PCSK5: variants seen among roughly 807,000 people sequenced by gnomAD.
PCSK5 encodes prohormone convertase 5.
A neutral mutation model predicts 233.2 loss-of-function variants in PCSK5; 129 were observed. The observed-to-expected ratio is 0.55, with a 90% confidence interval of 0.48 to 0.64. The LOEUF is 0.64. PCSK5 is among the 30% of genes least tolerant of loss of function. The pLI is 0.00. For synonymous variants in PCSK5, 825 were observed against 879.2 expected, an observed-to-expected ratio of 0.94 and a Z score of 1.09; for missense variants, 2,076 against 2,430.1, an observed-to-expected ratio of 0.85 and a Z score of 3.06.
intron 24 of PCSK5, among the ~76,000 whole-genome samples, chr9:76,280,404 CA>C (rs1369637006): frequency 4.6e-5 from 7 of 152,156 alleles, no homozygotes; most frequent in African/African-American, 7.2e-5. Context: ...CACTTTAAAT[CA>C]AAAGCTTAAA....
intron 35 of PCSK5, among the ~76,000 whole-genome samples, chr9:76,339,569 G>T (rs1488553648): frequency 6.6e-6 from 1 of 151,966 alleles, no homozygotes; most frequent in Non-Finnish European, 1.5e-5. Context: ...TTTTGAGATG[G>T]AGTCTCACTC....
chr9:76,096,601 CTT>C (rs756676487), intron 8 of PCSK5, among the ~76,000 whole-genome samples: 7 of 141,018 alleles, frequency 5.0e-5, no homozygotes, highest in Admixed American at 7.1e-5. Context: ...AGGTGCGTTT[CTT>C]TTTTTTTTTT....
intron 1 of PCSK5, among the ~76,000 whole-genome samples, chr9:75,924,862 A>C (rs1823411200): frequency 6.6e-6 from 1 of 152,156 alleles, no homozygotes. Context: ...TAGGCTGCCC[A>C]CCATCAACCT....
intron 37 of PCSK5, among the ~76,000 whole-genome samples, chr9:76,355,243 A>T (rs1043727603): frequency 6.6e-6 from 1 of 152,146 alleles, no homozygotes; most frequent in Non-Finnish European, 1.5e-5. Flanking sequence ...GGAGCCAAGG[A>T]GGGCGGATCA....
At chr9:76,076,097 A>G (rs1194931445) in intron 7 of PCSK5, among the ~76,000 whole-genome samples, 3 of 152,244 alleles carry the variant, frequency 2.0e-5, no homozygotes, top group Non-Finnish European at 4.4e-5. Context: ...TTGAACAGAG[A>G]CATAAATGAT....
chr9:76,230,282 G>A (rs1826036078), intron 21 of PCSK5, among the ~76,000 whole-genome samples: 1 of 152,078 alleles, frequency 6.6e-6, no homozygotes, highest in Admixed American at 6.6e-5. Context: ...AAAAACTGGA[G>A]ATCTCACCTA....
intron 10 of PCSK5, among the ~76,000 whole-genome samples, chr9:76,148,576 A>G (rs1414391606): frequency 1.3e-5 from 2 of 152,156 alleles, no homozygotes; most frequent in East Asian, 1.9e-4. Flanking sequence ...AACAGAAGCC[A>G]TCAGTCATCT....
chr9:76,135,391 T>C, intron 10 of PCSK5, among the ~76,000 whole-genome samples: 1 of 152,120 alleles, frequency 6.6e-6, no homozygotes, highest in Non-Finnish European at 1.5e-5. Flanking sequence ...TTGATTAATA[T>C]CTTCACAGAA....
intron 27 of PCSK5, among the ~76,000 whole-genome samples, chr9:76,298,016 G>A (rs72743106): frequency 6.6e-6 from 1 of 152,112 alleles, no homozygotes; most frequent in South Asian, 2.1e-4. Context: ...TCTTCTGTGA[G>A]TTATAGCTGA....
At chr9:75,920,791 G>A (rs1823223221) in intron 1 of PCSK5, among the ~76,000 whole-genome samples, 1 of 151,908 alleles carries the variant, frequency 6.6e-6, no homozygotes, top group Non-Finnish European at 1.5e-5. Context: ...GGGTGACAGA[G>A]TAAGACTCTG....
At chr9:76,071,574 A>G (rs1830481620) in intron 6 of PCSK5, 152 bp from the exon 7 acceptor site, 8 of 651,316 alleles carry the variant, frequency 1.2e-5, no homozygotes, top group Non-Finnish European at 2.1e-5. Context: ...TACTGCCTGC[A>G]AAGTATACAT....
At chr9:76,002,306 T>C (rs1003518360) in intron 3 of PCSK5, among the ~76,000 whole-genome samples, 1 of 152,228 alleles carries the variant, frequency 6.6e-6, no homozygotes, top group African/African-American at 2.4e-5. Context: ...TTAGGATCTT[T>C]AGTTTGATTA....
intron 3 of PCSK5, among the ~76,000 whole-genome samples, chr9:75,988,316 C>T (rs1045427260): frequency 1.1e-4 from 16 of 150,142 alleles, no homozygotes; most frequent in African/African-American, 2.0e-4. Context: ...GACAGAGTCT[C>T]GCTCTGTCAG....
intron 3 of PCSK5, among the ~76,000 whole-genome samples, chr9:76,021,288 T>C (rs1254074848): frequency 6.6e-6 from 1 of 152,026 alleles, no homozygotes. Flanking sequence ...CACAATTCAC[T>C]GGGTCGTTGT....
chr9:76,101,324 C>T (rs116190895), intron 8 of PCSK5, among the ~76,000 whole-genome samples: 1 of 152,078 alleles, frequency 6.6e-6, no homozygotes, highest in Non-Finnish European at 1.5e-5. Flanking sequence ...CTTCTTCTGT[C>T]GGTAGGTTGG....
intron 8 of PCSK5, among the ~76,000 whole-genome samples, chr9:76,104,445 G>A (rs999698096): frequency 6.6e-6 from 1 of 152,136 alleles, no homozygotes; most frequent in African/African-American, 2.4e-5. Context: ...TAACACAGTG[G>A]GGATTTGGAA....
At chr9:76,116,276 CAAAAAG>C (rs1454611630) in intron 9 of PCSK5, among the ~76,000 whole-genome samples, 1 of 151,978 alleles carries the variant, frequency 6.6e-6, no homozygotes, top group Non-Finnish European at 1.5e-5. Flanking sequence ...ACATGTAACA[CAAAAAG>C]AAAGACATTG....
At chr9:76,054,101 C>A (rs1267551873) in intron 5 of PCSK5, among the ~76,000 whole-genome samples, 1 of 152,114 alleles carries the variant, frequency 6.6e-6, no homozygotes, top group Non-Finnish European at 1.5e-5. Flanking sequence ...ATAAAACCAT[C>A]AGCTCTCATA....
In PCSK5 at chr9:76,332,522, T is replaced by A. The variant is rs561564221; in HGVS notation, c.4660T>A (p.Cys1554Ser). 1.2e-6 allele frequency: 2 copies of A among 1,612,716 alleles called. No individual in the cohort carries two copies. The highest frequency in any genetic ancestry group is 2.7e-5 in the African/African-American group (2 of 75,064). ...CCACTGCCACAGCTCTTGCAGGACA[T>A]GTGAAGGGAGACACAGCAGGCAGTG... is the stretch of plus-strand genomic sequence containing the variant. Reference protein sequence around the residue: ...CAHCHSSCRTCEGRHSRQCHS... With the variant: ...CAHCHSSCRTSEGRHSRQCHS... Residue 1554 changes from cysteine to serine, a missense_variant, in exon 34 of 38, where the codon TGT becomes AGT. Physicochemically the swap from Cys to Ser is moderately radical, Grantham distance 112. This residue lies in a region of PCSK5 where 1,510 missense variants were observed against 1,538.1 expected (regional missense o/e 0.98). Coordinates refer to ENST00000674117, the MANE Select transcript of PCSK5 (RefSeq NM_001372043.1).
Sources: allele counts gnomAD v4.1 joint callset (sites outside exome capture counted in the v4.1 genomes callset), GRCh38; gene constraint gnomAD v4.1.1; regional missense constraint gnomAD v4.1.1; transcripts MANE v1.5; gene names NCBI Gene and HGNC (gene_info 2026-07-23, HGNC 2026-07-21).